The following CHCT1 variants were observed in gnomAD, a reference collection of about 807,000 sequenced individuals.
The protein encoded by CHCT1 is CHD1 helical C-terminal domain containing 1, also known as CHD1 helical C-terminal domain containing protein 1.
At chr17:60,426,267 T>C in the CHCT1 span, 1 of 1,551,398 alleles carries the variant, frequency 6.4e-7, no homozygotes, top group East Asian at 2.4e-5. Context: ...AGCCTTGTGG[T>C]CCTAGGGGAC....
At chr17:60,424,733 C>T in the CHCT1 span, among the ~76,000 whole-genome samples, 3 of 151,942 alleles carry the variant, frequency 2.0e-5, no homozygotes, top group African/African-American at 2.4e-5. Flanking sequence ...ATTAGCCAGG[C>T]GTTGTGGTGC....
chr17:60,426,791 A>C, the CHCT1 span: 1 of 1,608,330 alleles, frequency 6.2e-7, no homozygotes, highest in Non-Finnish European at 8.5e-7. Flanking sequence ...CAAGTACACC[A>C]AGAGCAGCCA....
chr17:60,430,777 G>C, the CHCT1 span, among the ~76,000 whole-genome samples: 8 of 152,206 alleles, frequency 5.3e-5, no homozygotes, highest in African/African-American at 1.9e-4. Context: ...CACTGTGCCT[G>C]GCCATAAAGT....
chr17:60,427,070 C>T, the CHCT1 span, among the ~76,000 whole-genome samples: 195 of 152,258 alleles, frequency 1.3e-3, 2 homozygotes, highest in Middle Eastern at 3.4e-3. Flanking sequence ...TTGGTTTTGC[C>T]CAGAAAAGAA....
the CHCT1 span, chr17:60,431,068 T>G: frequency 1.3e-4 from 89 of 696,612 alleles, no homozygotes; most frequent in Non-Finnish European, 1.9e-4. Context: ...GGAAGTAAGA[T>G]AGGATTTTGC....
chr17:60,425,364 G>A, the CHCT1 span, among the ~76,000 whole-genome samples: 1 of 152,116 alleles, frequency 6.6e-6, no homozygotes, highest in Non-Finnish European at 1.5e-5. Context: ...GTAATTTTTT[G>A]TAGAGACCAG....
At chr17:60,428,198 T>C in the CHCT1 span, among the ~76,000 whole-genome samples, 1 of 152,146 alleles carries the variant, frequency 6.6e-6, no homozygotes, top group East Asian at 1.9e-4. Context: ...GTCTGCAGTG[T>C]GTAAATGAAG....
chr17:60,426,923 TC>T, the CHCT1 span: 6 of 1,517,570 alleles, frequency 4.0e-6, no homozygotes, highest in Non-Finnish European at 4.4e-6. Context: ...CTCTGGTCCT[TC>T]CCAGGGCTCA....
At chr17:60,430,405 T>TC in the CHCT1 span, among the ~76,000 whole-genome samples, 2 of 152,174 alleles carry the variant, frequency 1.3e-5, no homozygotes, top group Admixed American at 1.3e-4. Flanking sequence ...GATTAGTCAC[T>TC]GAGTCTGTCC....
At chr17:60,426,296 C>T in the CHCT1 span, 1 of 1,551,882 alleles carries the variant, frequency 6.4e-7, no homozygotes, top group Non-Finnish European at 8.7e-7. Context: ...CACCTTTCTG[C>T]AGCATTACTG....
the CHCT1 span, among the ~76,000 whole-genome samples, chr17:60,424,748 C>T: frequency 2.0e-5 from 3 of 152,062 alleles, no homozygotes; most frequent in African/African-American, 7.2e-5. Context: ...TGGTGCACGC[C>T]TGTAATCCCA....
At chr17:60,427,496 C>T in the CHCT1 span, among the ~76,000 whole-genome samples, 2 of 152,030 alleles carry the variant, frequency 1.3e-5, no homozygotes, top group East Asian at 3.9e-4. Flanking sequence ...TGGCTCACTG[C>T]AACCTCCGCC....
At chr17:60,422,651 G>A in the CHCT1 span, 1 of 1,543,888 alleles carries the variant, frequency 6.5e-7, no homozygotes. Flanking sequence ...CAGGTGAAGT[G>A]GGGTGTGAGG....
chr17:60,424,518 A>G, the CHCT1 span, among the ~76,000 whole-genome samples: 1 of 152,268 alleles, frequency 6.6e-6, no homozygotes, highest in Non-Finnish European at 1.5e-5. Flanking sequence ...CTTGCAGCTC[A>G]TTCAGCATGA....
At chr17:60,428,219 C>T in the CHCT1 span, among the ~76,000 whole-genome samples, 1 of 152,124 alleles carries the variant, frequency 6.6e-6, no homozygotes, top group Admixed American at 6.5e-5. Flanking sequence ...ATCCCAAATA[C>T]AGGGAAGTAA....
chr17:60,427,227 T>G, the CHCT1 span, among the ~76,000 whole-genome samples: 1 of 152,128 alleles, frequency 6.6e-6, no homozygotes, highest in Non-Finnish European at 1.5e-5. Context: ...TGAGCTCATA[T>G]TTATCCCCGC....
At chr17:60,426,421 C>A in the CHCT1 span, 1 of 1,363,194 alleles carries the variant, frequency 7.3e-7, no homozygotes. Flanking sequence ...GTCAATCCCC[C>A]AGTCCTTCAT....
At chr17:60,429,065 C>A in the CHCT1 span, among the ~76,000 whole-genome samples, 4 of 151,974 alleles carry the variant, frequency 2.6e-5, no homozygotes, top group Non-Finnish European at 5.9e-5. Flanking sequence ...TAAGTTAGAT[C>A]TTTAAAACAC....
At chr17:60,422,743 A>G in the CHCT1 span, 1 of 1,265,066 alleles carries the variant, frequency 7.9e-7, no homozygotes, top group Non-Finnish European at 1.1e-6. Context: ...AAGAACAATG[A>G]TAGGGTACCT....
Sources: gnomAD v4.1 joint callset for allele counts (sites outside exome capture counted in the v4.1 genomes callset) on GRCh38, gnomAD v4.1.1 for gene constraint, MANE v1.5 for transcripts, NCBI Gene and HGNC (gene_info 2026-07-23, HGNC 2026-07-21) for gene names.